Variants in BAZ2B observed in about 807,000 individuals in gnomAD.
BAZ2B encodes the protein bromodomain adjacent to zinc finger domain 2B.
A neutral mutation model predicts 246.0 loss-of-function variants in BAZ2B; 91 were observed. That is an observed-to-expected ratio of 0.37 (90% CI 0.31 to 0.44). The LOEUF is 0.44. BAZ2B is among the 20% of genes least tolerant of loss of function. The probability of loss-of-function intolerance (pLI) is 1.00; values close to 1 mark genes in which losing one functional copy is unlikely to be tolerated. For synonymous variants in BAZ2B, 855 were observed against 860.0 expected, an observed-to-expected ratio of 0.99 and a Z score of 0.10; for missense variants, 2,332 against 2,533.7, an observed-to-expected ratio of 0.92 and a Z score of 1.71.
At chr2:159,489,992 T>C (rs1210292629) in intron 2 of BAZ2B, among the ~76,000 whole-genome samples, 3 of 152,196 alleles carry the variant, frequency 2.0e-5, no homozygotes, top group African/African-American at 4.8e-5. Flanking sequence ...AATTTATTCC[T>C]TGAAAGTAAG....
At chr2:159,600,443 G>A (rs1265457462) in intron 1 of BAZ2B, among the ~76,000 whole-genome samples, 6 of 151,462 alleles carry the variant, frequency 4.0e-5, no homozygotes, top group Non-Finnish European at 7.4e-5. Flanking sequence ...AAAAAAAAAC[G>A]AAAAAATATT....
chr2:159,602,456 A>G (rs542784704), intron 1 of BAZ2B, among the ~76,000 whole-genome samples: 3 of 152,358 alleles, frequency 2.0e-5, no homozygotes, highest in Admixed American at 6.5e-5. Flanking sequence ...TCAATAAATT[A>G]TAATAGGGTA....
rs1209006594 is a variant in BAZ2B at position 159,501,130 on chromosome 2, A to AT, written c.-2-22410dup. Among the ~76,000 whole-genome samples, 29 of 41,148 alleles carry AT rather than the reference A, an allele frequency of 7.0e-4. 1 individual carries two copies. The highest frequency in any genetic ancestry group is 2.1e-3 in the South Asian group (3 of 1,424). 27.0% of individuals were successfully genotyped at this position (41,148 alleles called of 152,430 possible). ...GTTTAAAAATATATATATAATATATATATATATTTTATATATATAATATAT... is the reference window on the plus strand; with the variant it reads ...GTTTAAAAATATATATATAATATATATTATATATTTTATATATATAATATAT... On this transcript the variant is annotated intron_variant, in intron 2 of 36. Transcript: ENST00000392783.
chr2:159,482,256 C>A (rs191973721), intron 2 of BAZ2B, among the ~76,000 whole-genome samples: 1 of 151,870 alleles, frequency 6.6e-6, no homozygotes, highest in South Asian at 2.1e-4. Context: ...TACATTGTGT[C>A]ACTGAGATAT....
At chr2:159,636,220 C>G in the BAZ2B span, among the ~76,000 whole-genome samples, 12 of 152,216 alleles carry the variant, frequency 7.9e-5, no homozygotes, top group Non-Finnish European at 1.3e-4. Context: ...GTAAGGTGAG[C>G]AATCACAGTA....
In BAZ2B at chr2:159,392,713, G is replaced by A. The variant is rs182930749; in HGVS notation, c.3075+3056C>T. Reference sequence around the variant, plus strand: ...TGATATGACTGTAATAGATACATGCGGTATGCCATGGCATATAAAAATTAT... The same window carrying A: ...TGATATGACTGTAATAGATACATGCAGTATGCCATGGCATATAAAAATTAT... On this transcript the variant is annotated intron_variant, in intron 20 of 36. Transcript: ENST00000392783. Among the ~76,000 whole-genome samples, 608 of 152,170 alleles carry A rather than the reference G, an allele frequency of 4.0e-3. 15 individuals carry two copies. Among genetic ancestry groups the A allele is most frequent in the Non-Finnish European group, 9.1e-4 (62 of 68,004 alleles).
At chr2:159,617,982 G>A (rs968393295), upstream of BAZ2B, among the ~76,000 whole-genome samples, 1 of 152,244 alleles carries the variant, frequency 6.6e-6, no homozygotes, top group Non-Finnish European at 1.5e-5. Context: ...AATTAGTGAA[G>A]ATGATGTCTC....
At chr2:159,415,881 G>A (rs754939342) in intron 13 of BAZ2B, among the ~76,000 whole-genome samples, 1 of 152,164 alleles carries the variant, frequency 6.6e-6, no homozygotes, top group Non-Finnish European at 1.5e-5. Flanking sequence ...ACTTTGAATA[G>A]ACTATACACT....
intron 30 of BAZ2B, 79 bp from the exon 31 acceptor site, chr2:159,347,725 A>C (rs1158744823): frequency 8.2e-7 from 1 of 1,223,346 alleles, no homozygotes; most frequent in Non-Finnish European, 1.1e-6. Context: ...AAAGTGAATA[A>C]AATTCTAGGA....
At chr2:159,698,874 T>C in the BAZ2B span, among the ~76,000 whole-genome samples, 1 of 152,230 alleles carries the variant, frequency 6.6e-6, no homozygotes, top group South Asian at 2.1e-4. Flanking sequence ...ACTGAAGATT[T>C]TCTTTAGCAA....
intron 4 of BAZ2B, among the ~76,000 whole-genome samples, chr2:159,453,179 A>G (rs1577202536): frequency 6.6e-6 from 1 of 152,222 alleles, no homozygotes; most frequent in Non-Finnish European, 1.5e-5. Context: ...CAGTGAAGAA[A>G]AGTAAGACCT....
chr2:159,584,247 G>A (rs1559837212), intron 1 of BAZ2B, among the ~76,000 whole-genome samples: 2 of 151,670 alleles, frequency 1.3e-5, no homozygotes, highest in African/African-American at 4.8e-5. Flanking sequence ...TTAGCCTCCC[G>A]AGTAGCTGGG....
intron 14 of BAZ2B, among the ~76,000 whole-genome samples, chr2:159,410,474 A>C (rs1043910803): frequency 1.1e-4 from 17 of 152,062 alleles, no homozygotes; most frequent in Admixed American, 1.1e-3. Context: ...CTAGTTTTCG[A>C]AGTGGTGGAT....
chr2:159,371,861 C>G (rs2060885285), intron 27 of BAZ2B, among the ~76,000 whole-genome samples: 1 of 152,184 alleles, frequency 6.6e-6, no homozygotes, highest in Non-Finnish European at 1.5e-5. Context: ...TGAGCTTACT[C>G]TTTAGTGCAG....
chr2:159,601,341 T>C (rs11675211), intron 1 of BAZ2B, among the ~76,000 whole-genome samples: 20,942 of 151,958 alleles, frequency 0.14, 1,660 homozygotes, highest in East Asian at 0.36. Flanking sequence ...AAAGAATCAC[T>C]TGCACCTGGG....
chr2:159,571,297 G>A (rs1683955390), intron 1 of BAZ2B, among the ~76,000 whole-genome samples: 1 of 152,090 alleles, frequency 6.6e-6, no homozygotes, highest in African/African-American at 2.4e-5. Flanking sequence ...AAAGAAATCT[G>A]AGAAACAGCA....
intron 2 of BAZ2B, among the ~76,000 whole-genome samples, chr2:159,530,580 T>G (rs145713480): frequency 6.6e-6 from 1 of 152,206 alleles, no homozygotes; most frequent in Non-Finnish European, 1.5e-5. Flanking sequence ...ATATAAAATA[T>G]TTATTGAGGA....
intron 13 of BAZ2B, among the ~76,000 whole-genome samples, chr2:159,421,625 C>G (rs2068769785): frequency 6.6e-6 from 1 of 151,980 alleles, no homozygotes; most frequent in Non-Finnish European, 1.5e-5. Context: ...TCTTATTGTA[C>G]TATACAAAAG....
chr2:159,431,244 C>G, intron 9 of BAZ2B, 88 bp from the exon 10 acceptor site: 2 of 1,481,202 alleles, frequency 1.4e-6, no homozygotes, highest in Non-Finnish European at 1.8e-6. Context: ...GCTCAGGAAC[C>G]AGCACCTGTG....
Sources: allele counts gnomAD v4.1 joint callset (sites outside exome capture counted in the v4.1 genomes callset), GRCh38; gene constraint gnomAD v4.1.1; transcripts MANE v1.5; gene names NCBI Gene and HGNC (gene_info 2026-07-23, HGNC 2026-07-21).